The following LIPA variants were observed in gnomAD, a reference collection of about 807,000 sequenced individuals.
LIPA encodes the protein lipase A, lysosomal acid type, also known as lysosomal acid lipase/cholesteryl ester hydrolase.
A neutral mutation model predicts 40.6 loss-of-function variants in LIPA; 26 were observed. The ratio of observed to expected loss-of-function variants is 0.64; its 90% confidence interval spans 0.47 to 0.89. The LOEUF is 0.89. LIPA is among the 40% of genes least tolerant of loss of function. The pLI is 0.00. For synonymous variants in LIPA, 188 were observed against 168.4 expected, an observed-to-expected ratio of 1.12 and a Z score of -0.90; for missense variants, 455 against 479.6, an observed-to-expected ratio of 0.95 and a Z score of 0.48.
At chr10:89,216,427 TAG>T (rs931586599) in intron 8 of LIPA, among the ~76,000 whole-genome samples, 273 of 140,772 alleles carry the variant, frequency 1.9e-3, no homozygotes, top group Admixed American at 6.2e-3. Flanking sequence ...ATATATATAA[TAG>T]AGAGAGAGAG....
chr10:89,305,914 A>G, intron 1 of LIPA: 1 of 1,339,964 alleles, frequency 7.5e-7, no homozygotes, highest in Non-Finnish European at 1.0e-6. Context: ...CCATTTCTTG[A>G]CATATAAATC....
At chr10:89,308,097 C>T (rs928740025) in intron 1 of LIPA, 65 of 152,170 alleles carry the variant, frequency 4.3e-4, no homozygotes, top group African/African-American at 1.5e-3. Context: ...CTGCCCTCCT[C>T]ATAGTCATAA....
At chr10:89,270,671 C>A (rs149789098) in intron 1 of LIPA, among the ~76,000 whole-genome samples, 1 of 152,288 alleles carries the variant, frequency 6.6e-6, no homozygotes, top group East Asian at 1.9e-4. Context: ...ATAAAGGCTG[C>A]CAGCTTTGAG....
intron 1 of LIPA, chr10:89,413,011 A>C (rs1589646290): frequency 5.9e-6 from 1 of 168,796 alleles, no homozygotes; most frequent in South Asian, 1.0e-4. Flanking sequence ...CCCTCCCACC[A>C]CCCCCAACTC....
intron 1 of LIPA, among the ~76,000 whole-genome samples, chr10:89,297,695 T>C (rs1031035590): frequency 3.9e-5 from 6 of 152,242 alleles, no homozygotes; most frequent in African/African-American, 1.4e-4. Flanking sequence ...CCACAAACTC[T>C]GTACTCGGCC....
At chr10:89,237,758 G>T (rs1383749573) in intron 3 of LIPA, among the ~76,000 whole-genome samples, 1 of 152,184 alleles carries the variant, frequency 6.6e-6, no homozygotes, top group Non-Finnish European at 1.5e-5. Flanking sequence ...TTGCCAGTAA[G>T]GGACTGCCTT....
At chr10:89,215,157 A>G in intron 9 of LIPA, 96 bp from the exon 10 acceptor site, 1 of 911,830 alleles carries the variant, frequency 1.1e-6, no homozygotes, top group African/African-American at 1.6e-5. Flanking sequence ...ATTGTCTAGT[A>G]AGTTTGACTA....
intron 2 of LIPA, among the ~76,000 whole-genome samples, chr10:89,386,723 T>C (rs1844212503): frequency 6.6e-6 from 1 of 152,206 alleles, no homozygotes; most frequent in Non-Finnish European, 1.5e-5. Context: ...TGGTTACTCT[T>C]GGCAAAAAGA....
rs770189217 is a variant in LIPA at position 89,247,629 on chromosome 10, C to T, written c.20G>A (p.Gly7Glu). 6.2e-7 allele frequency: 1 copy of T among 1,611,396 alleles called. No homozygotes were observed. The highest frequency in any genetic ancestry group is 2.2e-5 in the East Asian group (1 of 44,852). ...CCAGAGAACCAAACAGACCACCAAC[C>T]CCAAGAACCGCATTTTCATTCTGTA... MKMRFL[G>E]LVVCLVLWTL... The change falls in exon 2 of 10, where the codon GGG becomes GAG. Residue 7 changes from glycine (G) to glutamate (E), a missense_variant. Physicochemically the swap from Gly to Glu is moderately conservative, Grantham distance 98. Coordinates refer to ENST00000336233, the MANE Select transcript of LIPA (RefSeq NM_000235.4).
At chr10:89,351,124 T>G (rs1027205728) in intron 2 of LIPA, among the ~76,000 whole-genome samples, 1 of 152,204 alleles carries the variant, frequency 6.6e-6, no homozygotes, top group African/African-American at 2.4e-5. Flanking sequence ...GAGATCAGCC[T>G]GGGCAGCATG....
chr10:89,343,217 G>T (rs1309070944), upstream of LIPA, among the ~76,000 whole-genome samples: 1 of 152,198 alleles, frequency 6.6e-6, no homozygotes, highest in Non-Finnish European at 1.5e-5. Context: ...CAAAGATCCA[G>T]GGAAAACTGT....
intron 1 of LIPA, among the ~76,000 whole-genome samples, chr10:89,315,257 C>T (rs1004746493): frequency 6.6e-6 from 1 of 152,014 alleles, no homozygotes; most frequent in African/African-American, 2.4e-5. Flanking sequence ...ATATATGTAC[C>T]TTTTATAAAG....
rs182916421 is a variant in LIPA at position 89,316,738 on chromosome 10, T to C, written c.-2+25873A>G. ...AGTAGTGGTTCTCCCAGCACGGAGT[T>C]TGAGATCTGAGAATGGACAGACTGC... On this transcript the variant is annotated intron_variant, in intron 1 of 5. Coordinates refer to the LIPA transcript ENST00000282673. Among the ~76,000 whole-genome samples the C allele has an allele frequency of 2.2e-3, 332 of 152,352 alleles. 4 individuals carry two copies. The highest frequency in any genetic ancestry group is 6.8e-3 in the Middle Eastern group (2 of 294).
chr10:89,387,913 A>T (rs1484905712), intron 2 of LIPA, among the ~76,000 whole-genome samples: 1 of 152,180 alleles, frequency 6.6e-6, no homozygotes, highest in African/African-American at 2.4e-5. Flanking sequence ...GTATAATAAT[A>T]AAATGTTTGG....
At position 89,215,828 on chromosome 10, in the gene LIPA, C is replaced by G. The variant is rs111774610; in HGVS notation, c.966+110G>C. On this transcript the variant is annotated intron_variant, in intron 9 of 9. Coordinates refer to ENST00000336233, the MANE Select transcript of LIPA (RefSeq NM_000235.4). Reference sequence around the variant, plus strand: ...ATGGAAAACAAACACTAGTCAACTCCTGCAAACATTTCCCACAGCACCTGA... The same window carrying G: ...ATGGAAAACAAACACTAGTCAACTCGTGCAAACATTTCCCACAGCACCTGA... 95 of 802,040 alleles carry G rather than the reference C, an allele frequency of 1.2e-4. 2 individuals carry two copies. The African/African-American group carries it at 1.4e-3, about 12-fold the overall frequency. 49.7% of individuals were successfully genotyped at this position (802,040 alleles called of 1,614,324 possible).
upstream of LIPA, among the ~76,000 whole-genome samples, chr10:89,346,692 AC>A (rs1407967957): frequency 6.6e-6 from 1 of 152,192 alleles, no homozygotes; most frequent in Admixed American, 6.5e-5. Context: ...ATGACCCTGC[AC>A]CTTCTTTTCT....
chr10:89,301,345 TC>T (rs1490371011), intron 1 of LIPA, among the ~76,000 whole-genome samples: 1 of 152,184 alleles, frequency 6.6e-6, no homozygotes, highest in East Asian at 1.9e-4. Context: ...CAGACTAAAA[TC>T]CCCTGCCCTG....
At chr10:89,263,615 C>T (rs1480033124) in intron 1 of LIPA, among the ~76,000 whole-genome samples, 1 of 152,238 alleles carries the variant, frequency 6.6e-6, no homozygotes, top group Non-Finnish European at 1.5e-5. Context: ...CAAAGAAGTA[C>T]TGATAGCATA....
At chr10:89,265,822 G>A (rs1843232917) in intron 1 of LIPA, among the ~76,000 whole-genome samples, 1 of 152,204 alleles carries the variant, frequency 6.6e-6, no homozygotes, top group South Asian at 2.1e-4. Context: ...CAACATGAGA[G>A]AACTAAAAAC....
Sources: gnomAD v4.1 joint callset for allele counts (sites outside exome capture counted in the v4.1 genomes callset) on GRCh38, gnomAD v4.1.1 for gene constraint, MANE v1.5 for transcripts, NCBI Gene and HGNC (gene_info 2026-07-23, HGNC 2026-07-21) for gene names.